The following INSYN2B variants were observed in gnomAD, a reference collection of about 807,000 sequenced individuals.
INSYN2B encodes inhibitory synaptic factor family member 2B.
A neutral mutation model predicts 41.2 loss-of-function variants in INSYN2B; 16 were observed. The observed-to-expected ratio is 0.39, with a 90% CI of 0.26 to 0.59. The LOEUF is 0.59. INSYN2B is among the 20% of genes least tolerant of loss of function. The pLI, the probability that INSYN2B is intolerant of heterozygous loss-of-function variation, is 0.57. For synonymous variants in INSYN2B, 245 were observed against 244.4 expected, an observed-to-expected ratio of 1.00 and a Z score of -0.02; for missense variants, 608 against 646.4, an observed-to-expected ratio of 0.94 and a Z score of 0.64.
intron 1 of INSYN2B, among the ~76,000 whole-genome samples, chr5:169,939,167 G>A (rs1452198028): frequency 1.3e-5 from 2 of 150,368 alleles, no homozygotes; most frequent in African/African-American, 4.9e-5. Flanking sequence ...GCCTCCCAAA[G>A]TGCTGGGATT....
intron 1 of INSYN2B, among the ~76,000 whole-genome samples, chr5:169,902,469 A>G (rs149724710): frequency 5.3e-5 from 8 of 152,322 alleles, no homozygotes; most frequent in Non-Finnish European, 1.0e-4. Context: ...CTTATCCACT[A>G]CGTGATTCTG....
chr5:169,966,762 G>A (rs907567357), intron 1 of INSYN2B, among the ~76,000 whole-genome samples: 7 of 152,130 alleles, frequency 4.6e-5, no homozygotes, highest in Admixed American at 1.3e-4. Flanking sequence ...AAATGAGGCC[G>A]GAAAGAATGG....
intron 1 of INSYN2B, among the ~76,000 whole-genome samples, chr5:169,935,930 TAC>T (rs1356023206): frequency 6.6e-6 from 1 of 152,214 alleles, no homozygotes; most frequent in Admixed American, 6.5e-5. Flanking sequence ...CTCAAATGGT[TAC>T]AGTTTCCTGT....
Position 169,883,525 on chromosome 5 carries a change from G to T in INSYN2B, c.374C>A (p.Pro125Gln). 1 of 1,551,648 alleles carries T rather than the reference G, an allele frequency of 6.4e-7. No individual in the cohort carries two copies. The highest frequency in any genetic ancestry group is 8.7e-7 in the Non-Finnish European group (1 of 1,146,966). The change falls in exon 2 of 4, where the codon CCA becomes CAA. Residue 125 changes from proline to glutamine, a missense_variant. Transcript: ENST00000377365. ...LTASKSLVEM[P>Q]TASQSAIQVN... ...CTGGATGGCACTTTGGGAGGCTGTT[G>T]GCATTTCCACCAGGGACTTACTGGC...
At chr5:169,962,625 G>A (rs1777138980) in intron 1 of INSYN2B, among the ~76,000 whole-genome samples, 1 of 152,092 alleles carries the variant, frequency 6.6e-6, no homozygotes, top group Non-Finnish European at 1.5e-5. Flanking sequence ...AGACAAAGAG[G>A]TTAGACAAGA....
intron 1 of INSYN2B, among the ~76,000 whole-genome samples, chr5:169,969,138 G>C (rs1027838181): frequency 6.6e-6 from 1 of 151,758 alleles, no homozygotes; most frequent in African/African-American, 2.4e-5. Context: ...ATCAAAGTGA[G>C]ACTCTGTTTC....
intron 1 of INSYN2B, among the ~76,000 whole-genome samples, chr5:169,889,057 A>T (rs539487824): frequency 6.6e-6 from 1 of 152,154 alleles, no homozygotes; most frequent in African/African-American, 2.4e-5. Flanking sequence ...ACATGTGGTA[A>T]TGGTCTACTC....
chr5:169,914,849 G>A (rs1450423271), intron 1 of INSYN2B, among the ~76,000 whole-genome samples: 1 of 152,180 alleles, frequency 6.6e-6, no homozygotes, highest in African/African-American at 2.4e-5. Context: ...TGCATCCCAT[G>A]GAGTAAATGA....
In INSYN2B at chr5:169,863,853, T is replaced by A. The variant is rs1771361614; in HGVS notation, c.*420A>T. On this transcript the variant is annotated 3_prime_UTR_variant, in exon 4 of 4. Transcript: ENST00000377365. ...TGGTACCTGCTTATAACCTATAACC[T>A]CCCTCTACCTTCCGGGTCTGCACAA... Among the ~76,000 whole-genome samples, 1 of 152,160 alleles carries A rather than the reference T, an allele frequency of 6.6e-6. No individual in the cohort carries two copies. Among genetic ancestry groups the A allele is most frequent in the East Asian group, 1.9e-4 (1 of 5,194 alleles).
intron 1 of INSYN2B, among the ~76,000 whole-genome samples, chr5:169,898,866 A>G (rs924684426): frequency 6.6e-6 from 1 of 152,188 alleles, no homozygotes; most frequent in Admixed American, 6.5e-5. Flanking sequence ...GCCGTTGTGT[A>G]AAGCAGCAAG....
At chr5:169,938,800 C>T (rs912223332) in intron 1 of INSYN2B, among the ~76,000 whole-genome samples, 3 of 152,166 alleles carry the variant, frequency 2.0e-5, no homozygotes, top group Non-Finnish European at 4.4e-5. Flanking sequence ...ACTTTTTACT[C>T]TTTTGTAATA....
chr5:169,966,014 C>G (rs1385900251), intron 1 of INSYN2B, among the ~76,000 whole-genome samples: 1 of 152,178 alleles, frequency 6.6e-6, no homozygotes, highest in Non-Finnish European at 1.5e-5. Flanking sequence ...TAGGATGAAC[C>G]AGGGAAAAAT....
chr5:169,871,917 A>G lies in INSYN2B; in HGVS notation c.1422-7458T>C, dbSNP rs538571002. Among the ~76,000 whole-genome samples the G allele has an allele frequency of 2.6e-5, 4 of 152,316 alleles. No homozygotes were observed. In the East Asian group the frequency reaches 7.7e-4, roughly 29 times the overall value. Reference sequence around the variant, plus strand: ...TGCTCTCCTTCTAAGGAGGCAGCCTATTGAAGATAATATCTGGGGTCAGCA... The same window carrying G: ...TGCTCTCCTTCTAAGGAGGCAGCCTGTTGAAGATAATATCTGGGGTCAGCA... On this transcript the variant is annotated intron_variant, in intron 3 of 3. Transcript: ENST00000377365.
chr5:169,977,738 C>T (rs769386389), intron 1 of INSYN2B, among the ~76,000 whole-genome samples: 11 of 152,162 alleles, frequency 7.2e-5, no homozygotes, highest in Admixed American at 2.6e-4. Flanking sequence ...GAGCCCAGAA[C>T]GCAAGGACAG....
chr5:169,925,191 G>A (rs1226538879), intron 1 of INSYN2B, among the ~76,000 whole-genome samples: 1 of 152,172 alleles, frequency 6.6e-6, no homozygotes, highest in Admixed American at 6.5e-5. Context: ...GTAGGGAGCT[G>A]AGGACTAGTT....
intron 1 of INSYN2B, among the ~76,000 whole-genome samples, chr5:169,976,530 C>T (rs1212488651): frequency 6.6e-6 from 1 of 152,070 alleles, no homozygotes; most frequent in Non-Finnish European, 1.5e-5. Flanking sequence ...CTTCCACTTC[C>T]CCTTGTGATT....
intron 1 of INSYN2B, among the ~76,000 whole-genome samples, chr5:169,977,442 G>T (rs1325692657): frequency 6.6e-6 from 1 of 152,100 alleles, no homozygotes; most frequent in Non-Finnish European, 1.5e-5. Flanking sequence ...TGCTATTATC[G>T]AGGGCTTTCC....
At chr5:169,978,226 C>T (rs1777787130) in intron 1 of INSYN2B, among the ~76,000 whole-genome samples, 1 of 152,138 alleles carries the variant, frequency 6.6e-6, no homozygotes, top group South Asian at 2.1e-4. Context: ...GATCTCATCA[C>T]TCCTACTAAT....
At chr5:169,957,257 T>C (rs1345289888) in intron 1 of INSYN2B, among the ~76,000 whole-genome samples, 3 of 152,266 alleles carry the variant, frequency 2.0e-5, no homozygotes, top group Non-Finnish European at 4.4e-5. Context: ...TTTCTGGCCT[T>C]TAGCCAGGGA....
Sources: gnomAD v4.1 joint callset for allele counts (sites outside exome capture counted in the v4.1 genomes callset) on GRCh38, gnomAD v4.1.1 for gene constraint, MANE v1.5 for transcripts, NCBI Gene and HGNC (gene_info 2026-07-23, HGNC 2026-07-21) for gene names.